SETDB2: variants seen among roughly 807,000 people sequenced by gnomAD.
The protein encoded by SETDB2 is histone-lysine N-methyltransferase SETDB2.
SETDB2 carries 56 observed loss-of-function variants against 82.5 expected under a neutral mutation model. The observed-to-expected ratio is 0.68, with a 90% CI of 0.55 to 0.85. The LOEUF (loss-of-function observed/expected upper bound fraction) is 0.85. SETDB2 is among the 40% of genes least tolerant of loss of function. The probability of loss-of-function intolerance (pLI) is 0.00; values close to 1 mark genes in which losing one functional copy is unlikely to be tolerated. For synonymous variants in SETDB2, 272 were observed against 284.9 expected, an observed-to-expected ratio of 0.95 and a Z score of 0.46; for missense variants, 677 against 816.4, an observed-to-expected ratio of 0.83 and a Z score of 2.08.
chr13:49,493,395 TATG>T lies in SETDB2; in HGVS notation c.*1548_*1550del, dbSNP rs1245090746. ...GTGGAGTCCATTTGACCTTTAGAAA[TATG>T]AGGTATTCTGTCAGTTTTATCTTCT... is the stretch of plus-strand genomic sequence containing the variant. On this transcript the variant is annotated 3_prime_UTR_variant, in exon 14 of 14. Coordinates refer to ENST00000611815, the MANE Select transcript of SETDB2 (RefSeq NM_001160308.3). 2 of 152,302 alleles carry T rather than the reference TATG, an allele frequency of 1.3e-5. No homozygotes were observed. The highest frequency in any genetic ancestry group is 4.8e-5 in the African/African-American group (2 of 41,562). The allele number at this position is 152,302 out of a possible 1,614,324, so 9.4% of individuals were successfully genotyped here.
chr13:49,486,980 GTAT>G (rs1958609496), intron 11 of SETDB2, among the ~76,000 whole-genome samples: 1 of 151,916 alleles, frequency 6.6e-6, no homozygotes, highest in South Asian at 2.1e-4. Flanking sequence ...GGGATTTTGT[GTAT>G]TATATTTATT....
chr13:49,450,102 A>G (rs1957759529), intron 1 of SETDB2, among the ~76,000 whole-genome samples: 1 of 152,208 alleles, frequency 6.6e-6, no homozygotes, highest in East Asian at 1.9e-4. Flanking sequence ...ATTTTTCTGG[A>G]AACATCTAAG....
At chr13:49,465,911 A>G (rs983674186) in intron 4 of SETDB2, among the ~76,000 whole-genome samples, 5 of 152,216 alleles carry the variant, frequency 3.3e-5, no homozygotes, top group African/African-American at 9.7e-5. Flanking sequence ...TGCTACACCA[A>G]AGAATACTGA....
chr13:49,451,186 C>G (rs981844599), intron 1 of SETDB2, among the ~76,000 whole-genome samples: 10 of 151,036 alleles, frequency 6.6e-5, no homozygotes, highest in Non-Finnish European at 1.3e-4. Context: ...TTCCTTGAAT[C>G]TTTCGTATGT....
chr13:49,463,646 C>T (rs540605342), intron 4 of SETDB2, among the ~76,000 whole-genome samples: 1 of 152,234 alleles, frequency 6.6e-6, no homozygotes, highest in Non-Finnish European at 1.5e-5. Context: ...GTGCCTAGCA[C>T]AGCTTATTCC....
Position 49,488,349 on chromosome 13 carries a change from G to A in SETDB2, c.1636G>A (p.Val546Met), listed in dbSNP as rs566370289. ...FEDNLLIESDVIDITKYREET... is the reference protein window; with the variant it reads ...FEDNLLIESDMIDITKYREET... ...AGATAATCTGCTGATTGAATCAGATGTGATAGATATAACTAAATATAGAGA... is the reference window on the plus strand; with the variant it reads ...AGATAATCTGCTGATTGAATCAGATATGATAGATATAACTAAATATAGAGA... Residue 546 changes from valine to methionine, a missense_variant, in exon 12 of 14, where the codon GTG (valine) becomes ATG (methionine). Physicochemically the swap from Val to Met is conservative, Grantham distance 21 (BLOSUM62 1). This residue lies in a region of SETDB2 where 420 missense variants were observed against 554.6 expected (regional missense o/e 0.76). Transcript: ENST00000611815. 6.2e-7 allele frequency: 1 copy of A among 1,609,624 alleles called. No homozygotes were observed. Among genetic ancestry groups the A allele is most frequent in the African/African-American group, 1.3e-5 (1 of 74,546 alleles).
intron 4 of SETDB2, among the ~76,000 whole-genome samples, chr13:49,461,547 A>T (rs903442828): frequency 6.6e-6 from 1 of 152,222 alleles, no homozygotes; most frequent in Non-Finnish European, 1.5e-5. Context: ...TTATTTCTAG[A>T]TTGCTTTTAG....
intron 1 of SETDB2, among the ~76,000 whole-genome samples, chr13:49,449,726 TCTC>T (rs971542567): frequency 6.6e-6 from 1 of 152,170 alleles, no homozygotes; most frequent in African/African-American, 2.4e-5. Context: ...CCCTTCCATC[TCTC>T]CTCCAGAAAA....
At chr13:49,464,183 G>C in intron 4 of SETDB2, 1 of 690,684 alleles carries the variant, frequency 1.4e-6, no homozygotes, top group South Asian at 1.6e-5. Flanking sequence ...ATTTGTAACA[G>C]TGTCTGTCTG....
intron 4 of SETDB2, 24 bp from the exon 5 acceptor site, chr13:49,467,840 T>G: frequency 6.4e-7 from 1 of 1,558,966 alleles, no homozygotes; most frequent in Non-Finnish European, 8.8e-7. Flanking sequence ...GTATATTTGT[T>G]GCTCACATTA....
intron 1 of SETDB2, among the ~76,000 whole-genome samples, chr13:49,449,906 TCA>T (rs1180780444): frequency 2.0e-5 from 3 of 152,240 alleles, no homozygotes; most frequent in Admixed American, 6.5e-5. Flanking sequence ...CTTATTTCTT[TCA>T]CAGTCTCTGA....
intron 2 of SETDB2, among the ~76,000 whole-genome samples, chr13:49,456,155 C>T (rs1957877506): frequency 1.3e-5 from 2 of 152,092 alleles, no homozygotes; most frequent in South Asian, 4.1e-4. Flanking sequence ...CCACATTTTG[C>T]TAATTACAGG....
intron 2 of SETDB2, among the ~76,000 whole-genome samples, chr13:49,453,802 T>C (rs1445170366): frequency 1.3e-5 from 2 of 152,164 alleles, no homozygotes; most frequent in Admixed American, 6.6e-5. Flanking sequence ...AAGGTCTGAA[T>C]GATAGGTGTA....
At chr13:49,480,135 C>T in intron 6 of SETDB2, 84 bp from the exon 7 acceptor site, 1 of 834,716 alleles carries the variant, frequency 1.2e-6, no homozygotes. Context: ...TCTTTTATTA[C>T]ATCATTTACA....
At chr13:49,471,465 G>C (rs574625768) in intron 5 of SETDB2, among the ~76,000 whole-genome samples, 1 of 148,838 alleles carries the variant, frequency 6.7e-6, no homozygotes, top group South Asian at 2.1e-4. Context: ...GGTTTGTCAG[G>C]AGTACATACC....
At chr13:49,491,646 A>T in intron 13 of SETDB2, 86 bp from the exon 14 acceptor site, 1 of 880,580 alleles carries the variant, frequency 1.1e-6, no homozygotes, top group Non-Finnish European at 1.9e-6. Context: ...GAGGATGGTT[A>T]ATGTTAATAT....
intron 12 of SETDB2, among the ~76,000 whole-genome samples, chr13:49,489,727 C>G (rs1354677068): frequency 6.7e-6 from 1 of 148,416 alleles, no homozygotes; most frequent in East Asian, 2.1e-4. Context: ...TCCTGAGTAG[C>G]TGAGATTACA....
chr13:49,477,966 A>G (rs1005118895), intron 6 of SETDB2, among the ~76,000 whole-genome samples: 14 of 152,256 alleles, frequency 9.2e-5, no homozygotes, highest in African/African-American at 3.4e-4. Flanking sequence ...AAGGGTGTGT[A>G]GTACACATAC....
chr13:49,485,356 A>T (rs1409763676), intron 10 of SETDB2, among the ~76,000 whole-genome samples: 2 of 152,248 alleles, frequency 1.3e-5, no homozygotes, highest in Non-Finnish European at 2.9e-5. Context: ...GGGGATACAG[A>T]CAGGGATGCA....
Sources: allele counts gnomAD v4.1 joint callset (sites outside exome capture counted in the v4.1 genomes callset), GRCh38; gene constraint gnomAD v4.1.1; regional missense constraint gnomAD v4.1.1; transcripts MANE v1.5; gene names NCBI Gene and HGNC (gene_info 2026-07-23, HGNC 2026-07-21).